Variants in GNA13 observed in about 807,000 individuals in gnomAD.
The protein encoded by GNA13 is G protein subunit alpha 13.
Under a neutral mutation model 33.5 loss-of-function variants are expected in GNA13, and 4 were observed. The ratio of observed to expected loss-of-function variants is 0.12; its 90% CI spans 0.06 to 0.27. GNA13 has a LOEUF of 0.27. Among genes scored for constraint, GNA13 ranks in the 10% least tolerant of loss-of-function variants. The pLI, the probability that GNA13 is intolerant of heterozygous loss-of-function variation, is 1.00. For synonymous variants in GNA13, 176 were observed against 183.8 expected, an observed-to-expected ratio of 0.96 and a Z score of 0.34; for missense variants, 319 against 487.2, an observed-to-expected ratio of 0.65 and a Z score of 3.25.
chr17:65,015,599 C>T (rs764581111), intron 3 of GNA13, among the ~76,000 whole-genome samples: 1 of 138,276 alleles, frequency 7.2e-6, no homozygotes, highest in Admixed American at 7.9e-5. Context: ...GGAGGTGGAG[C>T]TTGCAGTGAG....
chr17:65,054,880 T>C (rs533778443), intron 1 of GNA13, among the ~76,000 whole-genome samples: 110 of 152,314 alleles, frequency 7.2e-4, no homozygotes, highest in Non-Finnish European at 1.2e-3. Context: ...AGACCTTAAT[T>C]AGTTTTGAGC....
chr17:65,022,415 A>AAG, intron 2 of GNA13, among the ~76,000 whole-genome samples: 1 of 151,578 alleles, frequency 6.6e-6, no homozygotes, highest in Non-Finnish European at 1.5e-5. Flanking sequence ...AAAAAAAAAA[A>AAG]GGGAGTAAAT....
At chr17:65,038,320 T>C (rs1907333350) in intron 2 of GNA13, among the ~76,000 whole-genome samples, 2 of 151,988 alleles carry the variant, frequency 1.3e-5, no homozygotes, top group Admixed American at 1.3e-4. Context: ...GGAGAATCGC[T>C]TGAAGCTCGG....
At chr17:65,042,729 T>G (rs1907506329) in intron 2 of GNA13, among the ~76,000 whole-genome samples, 1 of 151,876 alleles carries the variant, frequency 6.6e-6, no homozygotes, top group Non-Finnish European at 1.5e-5. Flanking sequence ...AGAGCGAGAC[T>G]CCATCTCAAA....
chr17:65,047,090 AAATT>A (rs1253227432), intron 2 of GNA13, among the ~76,000 whole-genome samples: 2 of 152,234 alleles, frequency 1.3e-5, no homozygotes, highest in African/African-American at 4.8e-5. Flanking sequence ...TTTAAAAAAG[AAATT>A]AATTAAAAAG....
chr17:65,045,411 T>C (rs138481245), intron 2 of GNA13, among the ~76,000 whole-genome samples: 6 of 149,094 alleles, frequency 4.0e-5, no homozygotes, highest in Non-Finnish European at 7.4e-5. Context: ...TCCCAATAAC[T>C]TGGGAGGCTG....
Position 65,018,273 on chromosome 17 carries a change from A to T in GNA13, c.541T>A (p.Leu181Met). ...GESVKYFLDN[L>M]DKLGEPDYIP... Reference sequence around the variant, plus strand: ...CTTACTGGTTCTCCAAGTTTATCCAAGTTATCCAGGAAATATTTTACAGAT... The same window carrying T: ...CTTACTGGTTCTCCAAGTTTATCCATGTTATCCAGGAAATATTTTACAGAT... Residue 181 changes from leucine (L) to methionine (M), a missense_variant, in exon 3 of 4, where the codon TTG becomes ATG. Transcript: ENST00000439174. The T allele has an allele frequency of 6.5e-7, 1 of 1,530,902 alleles. No individual in the cohort carries two copies. The highest frequency in any genetic ancestry group is 9.1e-7 in the Non-Finnish European group (1 of 1,104,258). The allele number at this position is 1,530,902 out of a possible 1,614,324, so 94.8% of individuals were successfully genotyped here.
chr17:65,044,799 T>G (rs1907594986), intron 2 of GNA13, among the ~76,000 whole-genome samples: 2 of 151,926 alleles, frequency 1.3e-5, no homozygotes, highest in South Asian at 4.1e-4. Flanking sequence ...TCCCAACATT[T>G]TGGGAGGCTA....
intron 2 of GNA13, among the ~76,000 whole-genome samples, chr17:65,022,401 T>TAA (rs569105482): frequency 2.3e-5 from 3 of 131,672 alleles, no homozygotes; most frequent in South Asian, 2.4e-4. Context: ...ACCATGACAT[T>TAA]AAAAAAAAAA....
rs570458317 is a variant in GNA13 at position 65,012,266 on chromosome 17, C to T, written c.*1991G>A. 1.8e-5 allele frequency: 4 copies of T among 223,058 alleles called. No individual in the cohort carries two copies. Among genetic ancestry groups the T allele is most frequent in the Non-Finnish European group, 2.7e-5 (3 of 111,742 alleles). The allele number at this position is 223,058 out of a possible 1,614,324, so 13.8% of individuals were successfully genotyped here. ...TATAGGGATCTAACTTGAGCCCTCA[C>T]TGGAGTCAAATGTTTTGGCCATTCA... is the stretch of plus-strand genomic sequence containing the variant. On this transcript the variant is annotated 3_prime_UTR_variant, in exon 4 of 4. Transcript: ENST00000439174.
At chr17:65,034,314 T>C (rs1424338529) in intron 2 of GNA13, among the ~76,000 whole-genome samples, 1 of 152,074 alleles carries the variant, frequency 6.6e-6, no homozygotes, top group Non-Finnish European at 1.5e-5. Context: ...CACAAATTAA[T>C]AAATTCCTCT....
chr17:65,028,212 C>T (rs958498445), intron 2 of GNA13, among the ~76,000 whole-genome samples: 4 of 151,848 alleles, frequency 2.6e-5, no homozygotes, highest in Non-Finnish European at 5.9e-5. Context: ...GGTGACAGAG[C>T]GAGACTCCGT....
chr17:65,022,707 AAAATG>A lies in GNA13; in HGVS notation c.511-4409_511-4405del, dbSNP rs539364502. Among the ~76,000 whole-genome samples, 5 of 152,368 alleles carry A rather than the reference AAAATG, an allele frequency of 3.3e-5. No homozygotes were observed. In the South Asian group the frequency reaches 1.0e-3, roughly 32 times the overall value. ...CTGCAGAATTTCTTCACCAAAACAA[AAAATG>A]AAATGAGACTGCAACCAAAGTATTT... On this transcript the variant is annotated intron_variant, in intron 2 of 3. Transcript: ENST00000439174.
At chr17:65,019,523 T>G (rs1332335723) in intron 2 of GNA13, among the ~76,000 whole-genome samples, 1 of 152,060 alleles carries the variant, frequency 6.6e-6, no homozygotes, top group African/African-American at 2.4e-5. Context: ...TGCAACAACA[T>G]ATATGGAAGT....
chr17:65,023,001 T>C (rs1004257924), intron 2 of GNA13, among the ~76,000 whole-genome samples: 3 of 152,228 alleles, frequency 2.0e-5, no homozygotes, highest in Non-Finnish European at 4.4e-5. Context: ...TCAGTTGTTG[T>C]TTACTTAGGG....
chr17:65,015,894 A>G (rs1906351500), intron 3 of GNA13, among the ~76,000 whole-genome samples: 1 of 152,124 alleles, frequency 6.6e-6, no homozygotes, highest in Non-Finnish European at 1.5e-5. Flanking sequence ...TGACCCAAGA[A>G]CTCAAACTAG....
intron 2 of GNA13, among the ~76,000 whole-genome samples, chr17:65,027,964 C>T (rs1004967127): frequency 1.2e-4 from 18 of 152,138 alleles, no homozygotes; most frequent in Admixed American, 1.2e-3. Context: ...TTAGGCTGGG[C>T]ACGGTGGCTC....
At position 65,011,088 on chromosome 17, in the gene GNA13, A is replaced by G. The variant is rs1906171219; in HGVS notation, c.*3169T>C. ...AATACAAGTATTTGGGTACACATTGAAAGTTAGGACTTAACCAATTTCTTC... is the reference window on the plus strand; with the variant it reads ...AATACAAGTATTTGGGTACACATTGGAAGTTAGGACTTAACCAATTTCTTC... On this transcript the variant is annotated 3_prime_UTR_variant, in exon 4 of 4. Transcript: ENST00000439174. 4.8e-6 allele frequency: 1 copy of G among 206,534 alleles called. No homozygotes were observed. Among genetic ancestry groups the G allele is most frequent in the Non-Finnish European group, 9.9e-6 (1 of 101,280 alleles). The allele number at this position is 206,534 out of a possible 1,614,324, so 12.8% of individuals were successfully genotyped here. A position where few individuals can be genotyped will look rare whatever the true frequency, so the allele number is the denominator to read the frequency against.
At chr17:65,020,822 T>C (rs1428045964) in intron 2 of GNA13, among the ~76,000 whole-genome samples, 1 of 152,100 alleles carries the variant, frequency 6.6e-6, no homozygotes, top group African/African-American at 2.4e-5. Context: ...GGCTAATTTT[T>C]GTATTTTTAG....
Sources: gnomAD v4.1 joint callset for allele counts (sites outside exome capture counted in the v4.1 genomes callset) on GRCh38, gnomAD v4.1.1 for gene constraint, MANE v1.5 for transcripts, NCBI Gene and HGNC (gene_info 2026-07-23, HGNC 2026-07-21) for gene names.